CDH6: variants seen among roughly 807,000 people sequenced by gnomAD.
CDH6 encodes cadherin-6.
In CDH6, 31 loss-of-function variants were observed where a neutral mutation model predicts 78.0. That is an observed-to-expected ratio of 0.40 (90% CI 0.30 to 0.54). CDH6 has a LOEUF of 0.54. Among genes scored for constraint, CDH6 ranks in the 20% least tolerant of loss-of-function variants. The pLI, the probability that CDH6 is intolerant of heterozygous loss-of-function variation, is 0.56. For synonymous variants in CDH6, 376 were observed against 368.8 expected (o/e 1.02, Z -0.23); for missense variants, 724 against 975.9 (o/e 0.74, Z 3.44).
chr5:31,265,417 A>T (rs771523749), intron 1 of CDH6, among the ~76,000 whole-genome samples: 1 of 152,236 alleles, frequency 6.6e-6, no homozygotes, highest in African/African-American at 2.4e-5. Flanking sequence ...GCTGTCAAGA[A>T]GATGCATAAT....
chr5:31,238,436 A>G (rs966963540), intron 1 of CDH6, among the ~76,000 whole-genome samples: 2 of 152,160 alleles, frequency 1.3e-5, no homozygotes, highest in African/African-American at 4.8e-5. Flanking sequence ...AAACTGCTCT[A>G]CTTTCCATGG....
Position 31,305,202 on chromosome 5 carries a change from A to G in CDH6, c.1028A>G (p.Tyr343Cys), listed in dbSNP as rs1220366611. Residue 343 changes from tyrosine to cysteine, a missense_variant, in exon 7 of 12, where the codon TAT becomes TGT. Coordinates refer to ENST00000265071, the MANE Select transcript of CDH6 (RefSeq NM_004932.4). The stretch of plus-strand genomic sequence containing the variant: ...TTGGACTTTGAAAAGAAGAAAGTGT[A>G]TACCCTTAAAGTGGAAGCCTCCAAT... ...KLLDFEKKKV[Y>C]TLKVEASNPY... 1.2e-6 allele frequency: 2 copies of G among 1,613,908 alleles called. No homozygotes were observed. Among genetic ancestry groups the G allele is most frequent in the Admixed American group, 1.7e-5 (1 of 59,988 alleles).
intron 1 of CDH6, among the ~76,000 whole-genome samples, chr5:31,234,840 A>G (rs1384641345): frequency 6.6e-6 from 1 of 152,218 alleles, no homozygotes; most frequent in Non-Finnish European, 1.5e-5. Flanking sequence ...ATGCATGTGT[A>G]TATAGGTTTG....
chr5:31,272,908 AT>A (rs931527400), intron 2 of CDH6, among the ~76,000 whole-genome samples: 6 of 152,146 alleles, frequency 3.9e-5, no homozygotes, highest in African/African-American at 1.4e-4. Context: ...GATAGGCTGT[AT>A]TTTTTTAAAA....
At position 31,323,278 on chromosome 5, in the gene CDH6, T is replaced by C; in HGVS notation, c.2343T>C (p.Tyr781=). 1 of 1,612,744 alleles carries C rather than the reference T, an allele frequency of 6.2e-7. No homozygotes were observed. Among genetic ancestry groups the C allele is most frequent in the Non-Finnish European group, 8.5e-7 (1 of 1,178,782 alleles). The stretch of plus-strand genomic sequence containing the variant: ...GATTCAAAAAGCTTGCAGATATGTA[T>C]GGAGGAGTGGACAGTGACAAAGACT... ...GPRFKKLADM[Y]GGVDSDKDS Residue 781 remains tyrosine, a synonymous_variant, in exon 12 of 12, where the codon TAT becomes TAC. Transcript: ENST00000265071.
At chr5:31,299,714 C>A in intron 5 of CDH6, 83 bp downstream of exon 5, 2 of 1,229,306 alleles carry the variant, frequency 1.6e-6, no homozygotes, top group Non-Finnish European at 2.3e-6. Flanking sequence ...CCATTGTCAT[C>A]ATTATTGTCA....
chr5:31,223,555 G>A (rs1741058700), intron 1 of CDH6, among the ~76,000 whole-genome samples: 1 of 152,164 alleles, frequency 6.6e-6, no homozygotes, highest in African/African-American at 2.4e-5. Flanking sequence ...TTTGTAGAAT[G>A]TGCAGCTCTC....
chr5:31,238,051 A>C (rs1741499186), intron 1 of CDH6, among the ~76,000 whole-genome samples: 1 of 152,180 alleles, frequency 6.6e-6, no homozygotes, highest in South Asian at 2.1e-4. Flanking sequence ...TTTAATGAAA[A>C]CTTGAAGGAA....
chr5:31,289,474 T>C (rs1743098884), intron 2 of CDH6, among the ~76,000 whole-genome samples: 1 of 152,202 alleles, frequency 6.6e-6, no homozygotes, highest in African/African-American at 2.4e-5. Flanking sequence ...TCTTTTCCTT[T>C]GGATAGATTA....
At position 31,267,829 on chromosome 5, in the gene CDH6, T is replaced by A. The variant is rs1742406050; in HGVS notation, c.228+128T>A. On this transcript the variant is annotated intron_variant, in intron 2 of 11. Coordinates refer to ENST00000265071, the MANE Select transcript of CDH6 (RefSeq NM_004932.4). Reference sequence around the variant, plus strand: ...GAATTGTTGCTTAACTGGTAAGACTTTTTTTTTTTCCACTTGAGTAGTTTC... The same window carrying A: ...GAATTGTTGCTTAACTGGTAAGACTATTTTTTTTTCCACTTGAGTAGTTTC... The A allele has an allele frequency of 2.3e-5, 15 of 657,082 alleles. No individual in the cohort carries two copies. In the South Asian group the frequency reaches 3.1e-4, roughly 14 times the overall value. The allele number at this position is 657,082 out of a possible 1,614,324, so 40.7% of individuals were successfully genotyped here. A position where few individuals can be genotyped will look rare whatever the true frequency, so the allele number is the denominator to read the frequency against.
chr5:31,290,003 C>G (rs1190107503), intron 2 of CDH6, among the ~76,000 whole-genome samples: 1 of 152,064 alleles, frequency 6.6e-6, no homozygotes, highest in Non-Finnish European at 1.5e-5. Flanking sequence ...CACCTGTAAT[C>G]CCGGCACTTT....
At chr5:31,223,778 AC>A (rs1253863686) in intron 1 of CDH6, among the ~76,000 whole-genome samples, 1 of 152,172 alleles carries the variant, frequency 6.6e-6, no homozygotes, top group Non-Finnish European at 1.5e-5. Context: ...ATTTTGATGC[AC>A]CCTTCATTTG....
intron 1 of CDH6, among the ~76,000 whole-genome samples, chr5:31,240,705 G>A (rs1473558945): frequency 6.6e-6 from 1 of 152,138 alleles, no homozygotes; most frequent in Non-Finnish European, 1.5e-5. Context: ...AGAGTGCTAG[G>A]ATTCATTCCG....
rs1737531775 is a variant in CDH6, at chr5:31,294,641, A to G, written c.523+385A>G. Among the ~76,000 whole-genome samples the G allele has an allele frequency of 6.6e-6, 1 of 152,218 alleles. No individual in the cohort carries two copies. Among genetic ancestry groups the G allele is most frequent in the Admixed American group, 6.5e-5 (1 of 15,280 alleles). On this transcript the variant is annotated intron_variant, in intron 3 of 11. Transcript: ENST00000265071. The surrounding 1 kb of genome is among the most constrained non-coding windows in gnomAD (Gnocchi z 4.1). ...TCTCCCAAATAGAAAATAAAAGCTT[A>G]CATTTACAATCCAGTCTAAAAAGTA...
At chr5:31,295,587 A>G (rs1737561505) in intron 3 of CDH6, among the ~76,000 whole-genome samples, 1 of 152,214 alleles carries the variant, frequency 6.6e-6, no homozygotes, top group Non-Finnish European at 1.5e-5. Flanking sequence ...GACATTGATC[A>G]TCCTTAATTG....
intron 1 of CDH6, among the ~76,000 whole-genome samples, chr5:31,230,296 A>C (rs2111851088): frequency 6.6e-6 from 1 of 152,348 alleles, no homozygotes. Flanking sequence ...ACTTCTCCAA[A>C]GACATAGAGA....
At chr5:31,238,553 C>G (rs1416194960) in intron 1 of CDH6, among the ~76,000 whole-genome samples, 1 of 152,096 alleles carries the variant, frequency 6.6e-6, no homozygotes, top group African/African-American at 2.4e-5. Flanking sequence ...CTAACAATTA[C>G]TGCAATTATG....
At chr5:31,234,356 G>T (rs368302951) in intron 1 of CDH6, among the ~76,000 whole-genome samples, 3 of 152,292 alleles carry the variant, frequency 2.0e-5, no homozygotes, top group Admixed American at 6.5e-5. Flanking sequence ...TTCATGGACT[G>T]TGTCACCATT....
chr5:31,247,530 A>G (rs1445952855), intron 1 of CDH6, among the ~76,000 whole-genome samples: 1 of 152,186 alleles, frequency 6.6e-6, no homozygotes, highest in Non-Finnish European at 1.5e-5. Context: ...ATGCTGTGGC[A>G]GGTGTCTTGG....
Sources: allele counts gnomAD v4.1 joint callset (sites outside exome capture counted in the v4.1 genomes callset), GRCh38; gene constraint gnomAD v4.1.1; non-coding constraint Gnocchi (gnomAD v3.1); transcripts MANE v1.5; gene names NCBI Gene and HGNC (gene_info 2026-07-23, HGNC 2026-07-21).